HMCN2: variants seen among roughly 807,000 people sequenced by gnomAD.
HMCN2 encodes the protein hemicentin-2.
HMCN2 carries 325 observed loss-of-function variants against 377.5 expected under a neutral mutation model. The observed-to-expected ratio is 0.86, with a 90% CI of 0.79 to 0.94. The LOEUF is 0.94. Among genes scored for constraint, HMCN2 ranks in the 40% least tolerant of loss-of-function variants. The pLI is 0.00. For missense variants in HMCN2, 4,543 were observed against 4,725.3 expected, an observed-to-expected ratio of 0.96 and a Z score of 1.13; for synonymous variants, 2,007 against 2,046.8, an observed-to-expected ratio of 0.98 and a Z score of 0.53.
intron 85 of HMCN2, among the ~76,000 whole-genome samples, chr9:130,411,329 C>T (rs546587036): frequency 4.6e-5 from 7 of 152,064 alleles, no homozygotes; most frequent in South Asian, 2.1e-4. Flanking sequence ...GGGCTGGGCT[C>T]GGTGACTCAC....
chr9:130,304,038 C>T lies in HMCN2; in HGVS notation c.1543+430C>T, dbSNP rs565231007. On this transcript the variant is annotated intron_variant, in intron 10 of 97. Coordinates refer to ENST00000683500, the MANE Select transcript of HMCN2 (RefSeq NM_001291815.2). The surrounding 1 kb of genome is among the most constrained non-coding windows in gnomAD (Gnocchi z 4.3). ...TTTGAAAAATTACGAACGCAAGCTG[C>T]TTTGTAGAGAAAAAAAGGAACCCGT... Among the ~76,000 whole-genome samples, 1 of 152,284 alleles carries T rather than the reference C, an allele frequency of 6.6e-6. No homozygotes were observed. Among genetic ancestry groups the T allele is most frequent in the East Asian group, 1.9e-4 (1 of 5,188 alleles).
chr9:130,413,336 G>A (rs779730893), intron 85 of HMCN2, among the ~76,000 whole-genome samples: 4 of 152,156 alleles, frequency 2.6e-5, no homozygotes, highest in Non-Finnish European at 5.9e-5. Context: ...CCCTGGTTTA[G>A]GTGGAAAGCA....
intron 1 of HMCN2, among the ~76,000 whole-genome samples, chr9:130,270,705 C>T (rs1397013490): frequency 6.7e-6 from 1 of 148,810 alleles, no homozygotes; most frequent in Non-Finnish European, 1.5e-5. Context: ...ATAACATCAG[C>T]CTTCTGAGTA....
In HMCN2 at chr9:130,299,281, G is replaced by A. The variant is rs1554933397; in HGVS notation, c.1269G>A (p.Val423=). 2.2e-6 allele frequency: 1 copy of A among 455,912 alleles called. No individual in the cohort carries two copies. The highest frequency in any genetic ancestry group is 4.6e-6 in the Non-Finnish European group (1 of 216,630). 28.2% of individuals were successfully genotyped at this position (455,912 alleles called of 1,614,324 possible). A position where few individuals can be genotyped will look rare whatever the true frequency, so the allele number is the denominator to read the frequency against. ...LRVSGVSYSG[V]APGAPLVSMA... Reference sequence around the variant, plus strand: ...TCTCTGGAGTGTCCTACAGTGGGGTGGCCCCAGGTGAGTGGTTGGCTCTTT... The same window carrying A: ...TCTCTGGAGTGTCCTACAGTGGGGTAGCCCCAGGTGAGTGGTTGGCTCTTT... The change falls in exon 8 of 98, where the codon GTG becomes GTA. Residue 423 remains valine (V), a synonymous_variant. Transcript: ENST00000683500.
In HMCN2 at chr9:130,349,475, G is replaced by A. The variant is rs562785042; in HGVS notation, c.4304-62G>A. Reference sequence around the variant, plus strand: ...GGGGGTCTGCACAGACAAAGGCCCCGTGGTAGGCGGGGCTTGCAGGGTTTG... The same window carrying A: ...GGGGGTCTGCACAGACAAAGGCCCCATGGTAGGCGGGGCTTGCAGGGTTTG... On this transcript the variant is annotated intron_variant, in intron 28 of 97. Transcript: ENST00000683500. The A allele has an allele frequency of 1.0e-3, 1,346 of 1,282,492 alleles. 3 individuals are homozygous for A. The highest frequency in any genetic ancestry group is 1.3e-3 in the Non-Finnish European group (1,296 of 977,550). The allele number at this position is 1,282,492 out of a possible 1,614,324, so 79.4% of individuals were successfully genotyped here.
At chr9:130,407,990 C>T (rs934247635) in intron 83 of HMCN2, among the ~76,000 whole-genome samples, 28 of 152,242 alleles carry the variant, frequency 1.8e-4, no homozygotes, top group African/African-American at 6.0e-4. Flanking sequence ...TGCCCTACAG[C>T]ACTACCTGCA....
Position 130,347,001 on chromosome 9 carries a change from G to A in HMCN2, c.3830-165G>A, listed in dbSNP as rs953567397. 7.2e-5 allele frequency among the ~76,000 whole-genome samples: 11 copies of A among 152,130 alleles called. No individual in the cohort carries two copies. Among genetic ancestry groups the A allele is most frequent in the African/African-American group, 1.9e-4 (8 of 41,418 alleles). On this transcript the variant is annotated intron_variant, in intron 25 of 97. Transcript: ENST00000683500. The surrounding 1 kb of genome is among the most constrained non-coding windows in gnomAD (Gnocchi z 5.1). Reference sequence around the variant, plus strand: ...AGGTGGCGGGTGTGGGGGCTCCCACGGCTCCGAGGGAAATGCTCCTTCCAG... The same window carrying A: ...AGGTGGCGGGTGTGGGGGCTCCCACAGCTCCGAGGGAAATGCTCCTTCCAG...
rs959298083 is a variant in HMCN2 at position 130,374,562 on chromosome 9, C to G, written c.7499C>G (p.Ala2500Gly). Residue 2500 changes from alanine to glycine, a missense_variant, in exon 49 of 98, where the codon GCT (alanine) becomes GGT (glycine). Around this residue, in one of 5 missense-constraint regions of HMCN2, gnomAD observed 736 missense variants for 773.2 expected, o/e 0.95. Coordinates refer to ENST00000683500, the MANE Select transcript of HMCN2 (RefSeq NM_001291815.2). ...KDGRPLARGD[A>G]HHISPDGVLL... ...GGCCGGCCTCTGGCTAGGGGAGATGCTCACCACATCTCCCCAGACGGAGTC... is the reference window on the plus strand; with the variant it reads ...GGCCGGCCTCTGGCTAGGGGAGATGGTCACCACATCTCCCCAGACGGAGTC... 2.6e-5 allele frequency: 26 copies of G among 985,520 alleles called. No individual in the cohort carries two copies. Among genetic ancestry groups the G allele is most frequent in the Non-Finnish European group, 2.9e-5 (24 of 829,812 alleles). 61.0% of individuals were successfully genotyped at this position (985,520 alleles called of 1,614,324 possible). A position where few individuals can be genotyped will look rare whatever the true frequency, so the allele number is the denominator to read the frequency against.
rs1409792648 is a variant in HMCN2 at position 130,430,445 on chromosome 9, C to T, written c.14488C>T (p.His4830Tyr). 20 of 1,550,484 alleles carry T rather than the reference C, an allele frequency of 1.3e-5. No homozygotes were observed. Among genetic ancestry groups the T allele is most frequent in the Non-Finnish European group, 1.6e-5 (18 of 1,146,994 alleles). ...RNGQNVTTVSHRGPLLPWLRP... is the reference protein window; with the variant it reads ...RNGQNVTTVSYRGPLLPWLRP... ...TGGACAAAATGTGACCACCGTCAGC[C>T]ACCGAGGCCCTCTATTGCCCTGGCT... The change falls in exon 95 of 98, where the codon CAC becomes TAC. Residue 4830 changes from histidine (H) to tyrosine (Y), a missense_variant. His to Tyr is a moderately conservative substitution (Grantham distance 83). Around this residue, in one of 5 missense-constraint regions of HMCN2, gnomAD observed 1,155 missense variants for 1,157.7 expected, o/e 1.00. Coordinates refer to ENST00000683500, the MANE Select transcript of HMCN2 (RefSeq NM_001291815.2).
At position 130,425,997 on chromosome 9, in the gene HMCN2, CTGG is replaced by C. The variant is rs1844334962; in HGVS notation, c.13879+74_13879+76del. On this transcript the variant is annotated intron_variant, in intron 90 of 97. Coordinates refer to ENST00000683500, the MANE Select transcript of HMCN2 (RefSeq NM_001291815.2). ...TGCCAGGGGGCCCAAATGCACGTGGCTGGAATCCACCCCTGCCCCTAACATCCA... is the reference window on the plus strand; with the variant it reads ...TGCCAGGGGGCCCAAATGCACGTGGCAATCCACCCCTGCCCCTAACATCCA... 3 of 1,127,670 alleles carry C rather than the reference CTGG, an allele frequency of 2.7e-6. No individual in the cohort carries two copies. In the African/African-American group the frequency reaches 4.6e-5, roughly 17 times the overall value. The allele number at this position is 1,127,670 out of a possible 1,614,324, so 69.9% of individuals were successfully genotyped here.
At chr9:130,384,922 G>C in intron 59 of HMCN2, 124 bp downstream of exon 59, 1 of 537,580 alleles carries the variant, frequency 1.9e-6, no homozygotes, top group South Asian at 1.8e-5. Flanking sequence ...TGGGACGCCC[G>C]CACAGATCAG....
intron 8 of HMCN2, among the ~76,000 whole-genome samples, chr9:130,300,072 C>T (rs1836417495): frequency 6.6e-6 from 1 of 151,942 alleles, no homozygotes; most frequent in South Asian, 2.1e-4. Context: ...CCCATCTATC[C>T]ACTCACCCAT....
intron 54 of HMCN2, among the ~76,000 whole-genome samples, chr9:130,380,063 A>G (rs546249727): frequency 1.3e-3 from 203 of 152,056 alleles, no homozygotes; most frequent in Middle Eastern, 6.8e-3. Flanking sequence ...TTTAGTACAG[A>G]TGGGGTTTTT....
chr9:130,354,931 A>T lies in HMCN2; in HGVS notation c.5033A>T (p.Asp1678Val). 1 of 1,303,778 alleles carries T rather than the reference A, an allele frequency of 7.7e-7. No individual in the cohort carries two copies. Among genetic ancestry groups the T allele is most frequent in the East Asian group, 5.6e-5 (1 of 18,018 alleles). The allele number at this position is 1,303,778 out of a possible 1,614,324, so 80.8% of individuals were successfully genotyped here. ...AGCAACGAGTCGCGGCTGGAGACAG[A>T]CGGGAGTGTGCTGAGGCTGGAGAGC... ...AESNESRLET[D>V]GSVLRLESPG... The change falls in exon 32 of 98, where the codon GAC (aspartate) becomes GTC (valine). Residue 1678 changes from aspartate (D) to valine (V), a missense_variant. Physicochemically the swap from Asp to Val is radical, Grantham distance 152 (BLOSUM62 -3). Coordinates refer to ENST00000683500, the MANE Select transcript of HMCN2 (RefSeq NM_001291815.2).
At position 130,385,690 on chromosome 9, in the gene HMCN2, G is replaced by T. The variant is rs1022568200; in HGVS notation, c.9237G>T (p.Gly3079=). The T allele has an allele frequency of 7.7e-7, 1 of 1,304,232 alleles. No individual in the cohort carries two copies. The highest frequency in any genetic ancestry group is 1.0e-6 in the Non-Finnish European group (1 of 988,936). 80.8% of individuals were successfully genotyped at this position (1,304,232 alleles called of 1,614,324 possible). ...CAACTGTGACCTGGTACAAGGATGG[G>T]CAGCCCCTGGTCCTGGCACAGCGGA... ...PEPTVTWYKD[G]QPLVLAQRTQ... Residue 3079 remains glycine (G), a synonymous_variant, in exon 60 of 98, where the codon GGG becomes GGT. Transcript: ENST00000683500.
intron 4 of HMCN2, among the ~76,000 whole-genome samples, chr9:130,292,186 C>T (rs1254512119): frequency 6.6e-6 from 1 of 152,158 alleles, no homozygotes; most frequent in African/African-American, 2.4e-5. Context: ...CCTACTATTA[C>T]TGATGATAAG....
In HMCN2 at chr9:130,414,662, A is replaced by G. The variant is rs1329254973; in HGVS notation, c.12961+4010A>G. Among the ~76,000 whole-genome samples, 1 of 150,574 alleles carries G rather than the reference A, an allele frequency of 6.6e-6. No individual in the cohort carries two copies. Among genetic ancestry groups the G allele is most frequent in the Admixed American group, 6.6e-5 (1 of 15,066 alleles). Reference sequence around the variant, plus strand: ...GGTCTGACTCTGTTGCCCAGGCTGGAGTGCAGTGACATGATCAGGGCTCAC... The same window carrying G: ...GGTCTGACTCTGTTGCCCAGGCTGGGGTGCAGTGACATGATCAGGGCTCAC... On this transcript the variant is annotated intron_variant, in intron 85 of 97. Coordinates refer to ENST00000683500, the MANE Select transcript of HMCN2 (RefSeq NM_001291815.2). The surrounding 1 kb of genome is among the most constrained non-coding windows in gnomAD (Gnocchi z 4.4).
chr9:130,413,210 T>C (rs1843517032), intron 85 of HMCN2, among the ~76,000 whole-genome samples: 1 of 152,222 alleles, frequency 6.6e-6, no homozygotes, highest in African/African-American at 2.4e-5. Flanking sequence ...TAGGGACAGT[T>C]TGACTATCTT....
rs1027508362 is a variant in HMCN2, at chr9:130,346,644, G to A, written c.3830-522G>A. Among the ~76,000 whole-genome samples the A allele has an allele frequency of 4.6e-4, 70 of 152,246 alleles. 1 individual carries two copies. The South Asian group carries it at 0.012, about 25-fold the overall frequency. ...TGCTGGAGCACGGCAGGCTTGGCTC[G>A]TTCATTGATTTAGTGCCTACTGTGT... On this transcript the variant is annotated intron_variant, in intron 25 of 97. Coordinates refer to ENST00000683500, the MANE Select transcript of HMCN2 (RefSeq NM_001291815.2).
Sources: gnomAD v4.1 joint callset for allele counts (sites outside exome capture counted in the v4.1 genomes callset) on GRCh38, gnomAD v4.1.1 for gene constraint, gnomAD v4.1.1 regional missense constraint, Gnocchi (gnomAD v3.1) non-coding constraint, MANE v1.5 for transcripts, NCBI Gene and HGNC (gene_info 2026-07-23, HGNC 2026-07-21) for gene names.